The following DNAH1 variants were observed in gnomAD, a reference collection of about 807,000 sequenced individuals.
DNAH1 encodes axonemal beta dynein heavy chain 1.
DNAH1 carries 327 observed loss-of-function variants against 484.3 expected under a neutral mutation model. The observed-to-expected ratio is 0.68, with a 90% CI of 0.62 to 0.74. The LOEUF is 0.74. DNAH1 is among the 30% of genes least tolerant of loss of function. The pLI, the probability that DNAH1 is intolerant of heterozygous loss-of-function variation, is 0.00. For synonymous variants in DNAH1, 2,192 were observed against 2,191.9 expected, an observed-to-expected ratio of 1.00 and a Z score of 0.00; for missense variants, 5,052 against 5,546.8, an observed-to-expected ratio of 0.91 and a Z score of 2.83.
chr3:52,344,756 C>CCAA, intron 9 of DNAH1, 109 bp downstream of exon 9: 2 of 1,216,710 alleles, frequency 1.6e-6, no homozygotes, highest in Middle Eastern at 2.8e-4. Context: ...CGTCATCAGC[C>CCAA]CAACACTCCC....
At position 52,353,316 on chromosome 3, in the gene DNAH1, C is replaced by T. The variant is rs189705509; in HGVS notation, c.3226+15C>T. 230 of 1,609,800 alleles carry T rather than the reference C, an allele frequency of 1.4e-4. No individual in the cohort carries two copies. The highest frequency in any genetic ancestry group is 1.2e-3 in the African/African-American group (88 of 75,010). ...GGACATGCCAGGTAGGGAGCCAAGCCGGCCAATCCCCTCCTCCCTGCCTCT... is the reference window on the plus strand; with the variant it reads ...GGACATGCCAGGTAGGGAGCCAAGCTGGCCAATCCCCTCCTCCCTGCCTCT... On this transcript the variant is annotated intron_variant, in intron 19 of 77. Coordinates refer to ENST00000420323, the MANE Select transcript of DNAH1 (RefSeq NM_015512.5). This position sits in a 1 kb window ranked among gnomAD's most constrained non-coding sequence, Gnocchi z 5.0.
Position 52,363,078 on chromosome 3 carries a change from G to C in DNAH1, c.5178G>C (p.Glu1726Asp). The C allele has an allele frequency of 1.9e-6, 3 of 1,613,988 alleles. No homozygotes were observed. Among genetic ancestry groups the C allele is most frequent in the Non-Finnish European group, 2.5e-6 (3 of 1,179,870 alleles). ...EISLYSFGFN[E>D]ASVLAKKITT... Reference sequence around the variant, plus strand: ...CCCTCTATTCCTTTGGCTTTAATGAGGCCAGTGTGCTGGCTAAGAAGATCA... The same window carrying C: ...CCCTCTATTCCTTTGGCTTTAATGACGCCAGTGTGCTGGCTAAGAAGATCA... The change falls in exon 32 of 78, where the codon GAG becomes GAC. Residue 1726 changes from glutamate to aspartate, a missense_variant. Physicochemically the swap from Glu to Asp is conservative, Grantham distance 45. Coordinates refer to ENST00000420323, the MANE Select transcript of DNAH1 (RefSeq NM_015512.5).
Position 52,360,332 on chromosome 3 carries a change from C to T in DNAH1, c.4593C>T (p.Asp1531=), listed in dbSNP as rs745513247. 1.7e-5 allele frequency: 27 copies of T among 1,613,880 alleles called. No individual in the cohort carries two copies. Among genetic ancestry groups the T allele is most frequent in the Non-Finnish European group, 2.3e-5 (27 of 1,179,810 alleles). The part of the protein sequence containing the change: ...SQLRYYWTNN[D]LYIRAVNAEF... ...CCAGGTACTACTGGACAAATAATGA[C>T]CTGTATATCCGTGCTGTGAATGCTG... Residue 1531 remains aspartate, a synonymous_variant, in exon 28 of 78, where the codon GAC becomes GAT. Transcript: ENST00000420323.
At chr3:52,375,531 C>T (rs1703553432) in intron 45 of DNAH1, 118 bp downstream of exon 45, 1 of 1,072,238 alleles carries the variant, frequency 9.3e-7, no homozygotes, top group African/African-American at 1.6e-5. Flanking sequence ...GACCGCAACC[C>T]TGGGTTCACC....
At position 52,372,007 on chromosome 3, in the gene DNAH1, A is replaced by G. The variant is rs1479767607; in HGVS notation, c.6587A>G (p.Tyr2196Cys). 6.2e-7 allele frequency: 1 copy of G among 1,613,814 alleles called. No homozygotes were observed. The highest frequency in any genetic ancestry group is 1.7e-5 in the Admixed American group (1 of 60,016). Residue 2196 changes from tyrosine to cysteine, a missense_variant, in exon 42 of 78, where the codon TAC (tyrosine) becomes TGC (cysteine). Physicochemically the swap from Tyr to Cys is radical, Grantham distance 194 (BLOSUM62 -2). Coordinates refer to ENST00000420323, the MANE Select transcript of DNAH1 (RefSeq NM_015512.5). Reference sequence around the variant, plus strand: ...TTCACCATGGTACCAGACACCAACTACTGCAACATCATTGTGCCCACCATG... The same window carrying G: ...TTCACCATGGTACCAGACACCAACTGCTGCAACATCATTGTGCCCACCATG... Reference protein sequence around the residue: ...APFTMVPDTNYCNIIVPTMDT... With the variant: ...APFTMVPDTNCCNIIVPTMDT...
Position 52,395,685 on chromosome 3 carries a change from T to C in DNAH1, c.11259+7T>C. On this transcript the variant is annotated splice_region_variant and intron_variant, in intron 70 of 77. Transcript: ENST00000420323. The surrounding 1 kb of genome is among the most constrained non-coding windows in gnomAD (Gnocchi z 4.4). ...GCACATCAACCCCGACAAGGTGTGT[T>C]GCCCTGCCCATCACAGACCCAGTGG... 6.2e-7 allele frequency: 1 copy of C among 1,612,408 alleles called. No individual in the cohort carries two copies. Among genetic ancestry groups the C allele is most frequent in the Non-Finnish European group, 8.5e-7 (1 of 1,179,262 alleles).
chr3:52,364,412 A>G lies in DNAH1; in HGVS notation c.5245-226A>G, dbSNP rs1020634485. On this transcript the variant is annotated intron_variant, in intron 32 of 77. Transcript: ENST00000420323. This position sits in a 1 kb window ranked among gnomAD's most constrained non-coding sequence, Gnocchi z 4.2. Reference sequence around the variant, plus strand: ...CCAAAGGATGCAGAATGGGTATCGGATAAAGGAGGGGGCTATCGGGACAGT... The same window carrying G: ...CCAAAGGATGCAGAATGGGTATCGGGTAAAGGAGGGGGCTATCGGGACAGT... 6.6e-6 allele frequency among the ~76,000 whole-genome samples: 1 copy of G among 152,194 alleles called. No homozygotes were observed. The highest frequency in any genetic ancestry group is 1.5e-5 in the Non-Finnish European group (1 of 68,030).
chr3:52,386,690 G>A lies in DNAH1; in HGVS notation c.8840G>A (p.Gly2947Asp). The A allele has an allele frequency of 1.3e-6, 2 of 1,590,600 alleles. No individual in the cohort carries two copies. Among genetic ancestry groups the A allele is most frequent in the Non-Finnish European group, 1.7e-6 (2 of 1,168,996 alleles). ...EVRAMQRPPP[G>D]VKLVIEAVCI... ...CGTGCCATGCAGCGGCCACCCCCGG[G>A]TGTGAAACTGGTCATAGAAGCTGTG... is the stretch of plus-strand genomic sequence containing the variant. The change falls in exon 56 of 78, where the codon GGT becomes GAT. Residue 2947 changes from glycine (G) to aspartate (D), a missense_variant. Physicochemically the swap from Gly to Asp is moderately conservative, Grantham distance 94 (BLOSUM62 -1). Around this residue, in one of 4 missense-constraint regions of DNAH1, gnomAD observed 2,929 missense variants for 3,409.4 expected, o/e 0.86. Transcript: ENST00000420323.
In DNAH1 at chr3:52,383,937, A is replaced by G. The variant is rs1703979328; in HGVS notation, c.8228A>G (p.Asn2743Ser). ...AACTGCTGTACCATCGACTGGTTTA[A>G]CGAGTGGCCGGCAGAAGCCCTGAAG... ...LVNCCTIDWFNEWPAEALKSV... is the reference protein window; with the variant it reads ...LVNCCTIDWFSEWPAEALKSV... Residue 2743 changes from asparagine to serine, a missense_variant, in exon 52 of 78, where the codon AAC becomes AGC. Transcript: ENST00000420323. 2.5e-6 allele frequency: 4 copies of G among 1,613,382 alleles called. No individual in the cohort carries two copies. The highest frequency in any genetic ancestry group is 3.4e-6 in the Non-Finnish European group (4 of 1,179,608).
At chr3:52,377,562 A>G (rs942846169) in intron 46 of DNAH1, among the ~76,000 whole-genome samples, 3 of 152,020 alleles carry the variant, frequency 2.0e-5, no homozygotes, top group Non-Finnish European at 2.9e-5. Context: ...GGTCTTGACA[A>G]TGGTAGGCAA....
At chr3:52,390,116 G>A (rs565598691) in intron 60 of DNAH1, among the ~76,000 whole-genome samples, 2 of 152,116 alleles carry the variant, frequency 1.3e-5, no homozygotes, top group Non-Finnish European at 2.9e-5. Context: ...GCGAGACTCC[G>A]TCTCAAAAGA....
rs373525441 is a variant in DNAH1 at position 52,353,407 on chromosome 3, G to A, written c.3254G>A (p.Arg1085Gln). The A allele has an allele frequency of 3.9e-5, 63 of 1,612,678 alleles. No individual in the cohort carries two copies. Among genetic ancestry groups the A allele is most frequent in the Middle Eastern group, 1.7e-4 (1 of 6,058 alleles). Reference protein sequence around the residue: ...PACQEVALDIRARIEEFKPYI... With the variant: ...PACQEVALDIQARIEEFKPYI... ...TGCCAGGAAGTGGCCTTGGACATCC[G>A]GGCCCGCATCGAGGAGTTCAAACCA... The change falls in exon 20 of 78, where the codon CGG (arginine) becomes CAG (glutamine). Residue 1085 changes from arginine (R) to glutamine (Q), a missense_variant. Around this residue, in one of 4 missense-constraint regions of DNAH1, gnomAD observed 2,929 missense variants for 3,409.4 expected, o/e 0.86. Transcript: ENST00000420323. The surrounding 1 kb of genome is among the most constrained non-coding windows in gnomAD (Gnocchi z 5.0).
intron 8 of DNAH1, among the ~76,000 whole-genome samples, chr3:52,343,361 G>A (rs946698815): frequency 2.0e-5 from 3 of 152,136 alleles, no homozygotes; most frequent in Non-Finnish European, 2.9e-5. Context: ...TTTCCTGAGA[G>A]CAGGGCATGC....
rs186468679 is a variant in DNAH1 at position 52,362,061 on chromosome 3, G to T, written c.4980+295G>T. On this transcript the variant is annotated intron_variant, in intron 30 of 77. Transcript: ENST00000420323. This position sits in a 1 kb window ranked among gnomAD's most constrained non-coding sequence, Gnocchi z 5.1. ...CTTGTTCTGGGGACAGGAGCTGAGA[G>T]GCTAGCAGTTATCCCCTCCCCCACT... Among the ~76,000 whole-genome samples the T allele has an allele frequency of 3.3e-5, 5 of 152,256 alleles. No individual in the cohort carries two copies. The highest frequency in any genetic ancestry group is 1.2e-4 in the African/African-American group (5 of 41,460).
Position 52,392,880 on chromosome 3 carries a change from C to T in DNAH1, c.10329C>T (p.Arg3443=). 1.2e-6 allele frequency: 2 copies of T among 1,612,188 alleles called. No homozygotes were observed. The highest frequency in any genetic ancestry group is 2.2e-5 in the East Asian group (1 of 44,782). The part of the protein sequence containing the change: ...EQTEKDIDLT[R]MEYIPVAIRT... ...CGGAGAAGGACATCGACCTGACGCG[C>T]ATGGAGTACATACCCGTGGCCATCC... Residue 3443 remains arginine (R), a synonymous_variant, in exon 65 of 78, where the codon CGC becomes CGT. Coordinates refer to ENST00000420323, the MANE Select transcript of DNAH1 (RefSeq NM_015512.5).
Position 52,349,271 on chromosome 3 carries a change from C to G in DNAH1, c.2377C>G (p.Leu793Val). 1 of 1,614,012 alleles carries G rather than the reference C, an allele frequency of 6.2e-7. No homozygotes were observed. The highest frequency in any genetic ancestry group is 8.5e-7 in the Non-Finnish European group (1 of 1,179,874). Residue 793 changes from leucine to valine, a missense_variant, in exon 14 of 78, where the codon CTG (leucine) becomes GTG (valine). Transcript: ENST00000420323. ...CACCCACCTGCGGGAGAAGGAGATC[C>G]TGGACAGCTCGCTGCCCAGCAGCAT... is the stretch of plus-strand genomic sequence containing the variant. ...VLTHLREKEI[L>V]DSSLPSSIII...
At position 52,398,906 on chromosome 3, in the gene DNAH1, T is replaced by C; in HGVS notation, c.12146T>C (p.Leu4049Pro). 1 of 1,606,424 alleles carries C rather than the reference T, an allele frequency of 6.2e-7. No individual in the cohort carries two copies. Among genetic ancestry groups the C allele is most frequent in the Non-Finnish European group, 8.5e-7 (1 of 1,175,298 alleles). Residue 4049 changes from leucine to proline, a missense_variant, in exon 76 of 78, where the codon CTC (leucine) becomes CCC (proline). Transcript: ENST00000420323. Reference sequence around the variant, plus strand: ...ACACTGCAAGACCTACTCAAGGCACTCAAGGGGCTGGTAGTGATGTCCTCT... The same window carrying C: ...ACACTGCAAGACCTACTCAAGGCACCCAAGGGGCTGGTAGTGATGTCCTCT... ...TQTLQDLLKA[L>P]KGLVVMSSQL... is the part of the protein sequence containing the mutation.
chr3:52,353,335 T>C lies in DNAH1; in HGVS notation c.3226+34T>C. The C allele has an allele frequency of 6.2e-7, 1 of 1,608,602 alleles. No homozygotes were observed. Among genetic ancestry groups the C allele is most frequent in the South Asian group, 1.1e-5 (1 of 90,692 alleles). ...CCAAGCCGGCCAATCCCCTCCTCCC[T>C]GCCTCTGCCGCCTGCCTCTCATGCG... On this transcript the variant is annotated intron_variant, in intron 19 of 77. Coordinates refer to ENST00000420323, the MANE Select transcript of DNAH1 (RefSeq NM_015512.5). The surrounding 1 kb of genome is among the most constrained non-coding windows in gnomAD (Gnocchi z 5.0).
intron 48 of DNAH1, 63 bp downstream of exon 48, chr3:52,380,198 C>T: frequency 7.0e-7 from 1 of 1,424,016 alleles, no homozygotes; most frequent in Non-Finnish European, 9.6e-7. Flanking sequence ...CTCCCTGGGG[C>T]CCAGGCCCCC....
Sources: gnomAD v4.1 joint callset for allele counts (sites outside exome capture counted in the v4.1 genomes callset) on GRCh38, gnomAD v4.1.1 for gene constraint, gnomAD v4.1.1 regional missense constraint, Gnocchi (gnomAD v3.1) non-coding constraint, MANE v1.5 for transcripts, NCBI Gene and HGNC (gene_info 2026-07-23, HGNC 2026-07-21) for gene names.